NUCB2: variants seen among roughly 807,000 people sequenced by gnomAD.
NUCB2 encodes the protein nucleobindin-2.
In NUCB2, 48 loss-of-function variants were observed where a neutral mutation model predicts 57.9. The ratio of observed to expected loss-of-function variants is 0.83; its 90% CI spans 0.66 to 1.05. NUCB2 has a LOEUF of 1.05. Among genes scored for constraint, NUCB2 ranks in the 50% least tolerant of loss-of-function variants. The pLI, the probability that NUCB2 is intolerant of heterozygous loss-of-function variation, is 0.00. For missense variants in NUCB2, 442 were observed against 476.2 expected (o/e 0.93, Z 0.67); for synonymous variants, 139 against 152.1 (o/e 0.91, Z 0.64).
Position 17,315,932 on chromosome 11 carries a change from A to G in NUCB2, c.1002+457A>G, listed in dbSNP as rs374277147. Among the ~76,000 whole-genome samples, 6 of 152,022 alleles carry G rather than the reference A, an allele frequency of 3.9e-5. No individual in the cohort carries two copies. The South Asian group carries it at 8.3e-4, about 21-fold the overall frequency. ...TCATTTTAAATTCACACATATACAT[A>G]TATTCATATTTATGTGTTTTTTGTT... On this transcript the variant is annotated intron_variant, in intron 11 of 13. Transcript: ENST00000529010.
intron 2 of NUCB2, among the ~76,000 whole-genome samples, chr11:17,285,520 T>G (rs1447547241): frequency 6.7e-6 from 1 of 149,652 alleles, no homozygotes; most frequent in Non-Finnish European, 1.5e-5. Context: ...GAGGTTGCAG[T>G]GAGCTGAGAT....
At chr11:17,327,989 G>T (rs1359919198) in intron 11 of NUCB2, among the ~76,000 whole-genome samples, 1 of 152,166 alleles carries the variant, frequency 6.6e-6, no homozygotes, top group African/African-American at 2.4e-5. Flanking sequence ...GATGTGTGTA[G>T]ATGTTTGTTG....
At chr11:17,278,785 T>C (rs1941914583) in intron 1 of NUCB2, among the ~76,000 whole-genome samples, 1 of 152,240 alleles carries the variant, frequency 6.6e-6, no homozygotes, top group Admixed American at 6.5e-5. Flanking sequence ...TAGAATAATA[T>C]GTAAATTACT....
At chr11:17,301,953 G>A (rs2138632222) in intron 5 of NUCB2, 83 bp downstream of exon 5, 4 of 1,167,686 alleles carry the variant, frequency 3.4e-6, no homozygotes, top group East Asian at 2.5e-5. Flanking sequence ...AGGCTGGAGT[G>A]CAGTGGCACA....
At chr11:17,278,234 G>A (rs1941772265) in intron 1 of NUCB2, 2 of 139,630 alleles carry the variant, frequency 1.4e-5, no homozygotes, top group South Asian at 4.5e-4. Context: ...GGAGTGCAAT[G>A]GCCCGATCTC....
chr11:17,333,072 A>T (rs1377341253), downstream of NUCB2: 1 of 152,168 alleles, frequency 6.6e-6, no homozygotes, highest in Non-Finnish European at 1.5e-5. Flanking sequence ...ACTGATCCAT[A>T]GCAATTTGAA....
chr11:17,300,281 G>A (rs1433576198), intron 4 of NUCB2, among the ~76,000 whole-genome samples: 1 of 152,084 alleles, frequency 6.6e-6, no homozygotes, highest in Non-Finnish European at 1.5e-5. Context: ...CAAAGTTCTG[G>A]GATAACAGGT....
intron 2 of NUCB2, among the ~76,000 whole-genome samples, chr11:17,293,688 C>T (rs1945326645): frequency 6.6e-6 from 1 of 152,164 alleles, no homozygotes; most frequent in East Asian, 1.9e-4. Flanking sequence ...CATATGTATA[C>T]AATGGACTAT....
intron 6 of NUCB2, among the ~76,000 whole-genome samples, chr11:17,310,049 C>G (rs1284352445): frequency 6.6e-6 from 1 of 152,074 alleles, no homozygotes; most frequent in Admixed American, 6.6e-5. Context: ...TACCATATTC[C>G]CTTTCTTTAA....
chr11:17,328,295 A>G (rs1053549735), intron 11 of NUCB2, among the ~76,000 whole-genome samples: 6 of 152,202 alleles, frequency 3.9e-5, no homozygotes, highest in Admixed American at 6.5e-5. Context: ...TGGTGATGCA[A>G]GTACCTTTAT....
chr11:17,315,389 G>C lies in NUCB2; in HGVS notation c.916G>C (p.Asp306His), dbSNP rs771901855. 5 of 1,589,570 alleles carry C rather than the reference G, an allele frequency of 3.1e-6. No homozygotes were observed. In the African/African-American group the frequency reaches 4.0e-5, roughly 13 times the overall value. The change falls in exon 11 of 14, where the codon GAT (aspartate) becomes CAT (histidine). Residue 306 changes from aspartate (D) to histidine (H), a missense_variant. Physicochemically the swap from Asp to His is moderately conservative, Grantham distance 81. Transcript: ENST00000529010. Reference sequence around the variant, plus strand: ...GTATACATTTTGTTTTAATCAGGTTGATACTAACAAAGACAGATTGGTGAC... The same window carrying C: ...GTATACATTTTGTTTTAATCAGGTTCATACTAACAAAGACAGATTGGTGAC... ...RMREHVMNEVDTNKDRLVTLE... is the reference protein window; with the variant it reads ...RMREHVMNEVHTNKDRLVTLE...
At chr11:17,301,918 G>A in intron 5 of NUCB2, 48 bp downstream of exon 5, 1 of 1,537,722 alleles carries the variant, frequency 6.5e-7, no homozygotes, top group Non-Finnish European at 8.9e-7. Context: ...TTTTCCTTTT[G>A]AAACAGCGTT....
At chr11:17,287,387 T>G (rs1422842360) in intron 2 of NUCB2, among the ~76,000 whole-genome samples, 1 of 151,810 alleles carries the variant, frequency 6.6e-6, no homozygotes, top group Non-Finnish European at 1.5e-5. Flanking sequence ...GATATGGTAT[T>G]AAGGCCGGGC....
chr11:17,324,520 G>T (rs1458748987), intron 11 of NUCB2, among the ~76,000 whole-genome samples: 1 of 151,846 alleles, frequency 6.6e-6, no homozygotes, highest in Non-Finnish European at 1.5e-5. Context: ...TGCAACCTTC[G>T]CCTCTCAGGT....
In NUCB2 at chr11:17,330,156, G is replaced by A. The variant is rs1247936939; in HGVS notation, c.1032G>A (p.Glu344=). The A allele has an allele frequency of 6.5e-7, 1 of 1,549,312 alleles. No homozygotes were observed. Among genetic ancestry groups the A allele is most frequent in the Non-Finnish European group, 8.8e-7 (1 of 1,130,574 alleles). The change falls in exon 12 of 14, where the codon GAG becomes GAA. Residue 344 remains glutamate, a synonymous_variant. Transcript: ENST00000529010. This position sits in a 1 kb window ranked among gnomAD's most constrained non-coding sequence, Gnocchi z 4.3. ...ETLDQQQFFT[E]EELKEYENII... ...TAGATCAGCAACAGTTCTTCACAGA[G>A]GAAGAACTAAAAGAATATGAAAATA... is the stretch of plus-strand genomic sequence containing the variant.
intron 11 of NUCB2, among the ~76,000 whole-genome samples, chr11:17,323,576 G>A (rs1472118432): frequency 2.0e-5 from 3 of 152,060 alleles, no homozygotes; most frequent in Admixed American, 6.5e-5. Flanking sequence ...AGGGTAGTAC[G>A]AGCCTTGTCA....
intron 2 of NUCB2, chr11:17,286,628 C>T (rs974389101): frequency 6.6e-6 from 1 of 152,180 alleles, no homozygotes. Flanking sequence ...AGTGTCTCCT[C>T]TTTAGGTCCG....
In NUCB2 at chr11:17,331,920, T is replaced by C. The variant is rs1951446612; in HGVS notation, c.*501T>C. ...TTTCCTGGTAACGTTTTTCTAGTTT[T>C]GGCAACCTCAACTGCTAGAAATTCT... On this transcript the variant is annotated 3_prime_UTR_variant, in exon 14 of 14. Transcript: ENST00000529010. The C allele has an allele frequency of 6.6e-6, 1 of 152,396 alleles. No homozygotes were observed. Among genetic ancestry groups the C allele is most frequent in the Non-Finnish European group, 1.5e-5 (1 of 68,152 alleles). The allele number at this position is 152,396 out of a possible 1,614,324, so 9.4% of individuals were successfully genotyped here.
intron 2 of NUCB2, among the ~76,000 whole-genome samples, chr11:17,347,956 A>G (rs1270641818): frequency 2.0e-5 from 3 of 152,226 alleles, no homozygotes. Flanking sequence ...TAGCAATTCA[A>G]AAATAATTTT....
Sources: gnomAD v4.1 joint callset for allele counts (sites outside exome capture counted in the v4.1 genomes callset) on GRCh38, gnomAD v4.1.1 for gene constraint, Gnocchi (gnomAD v3.1) non-coding constraint, MANE v1.5 for transcripts, NCBI Gene and HGNC (gene_info 2026-07-23, HGNC 2026-07-21) for gene names.